The following GALNT14 variants were observed in gnomAD, a reference collection of about 807,000 sequenced individuals.
The protein encoded by GALNT14 is UDP-GalNAc:polypeptide N-acetylgalactosaminyltransferase 14.
A neutral mutation model predicts 77.5 loss-of-function variants in GALNT14; 60 were observed. That is an observed-to-expected ratio of 0.77 (90% CI 0.63 to 0.96). The LOEUF (loss-of-function observed/expected upper bound fraction) is 0.96, where lower values mean the gene tolerates loss of function less well. Ranked by LOEUF, GALNT14 falls within the 40% of genes least tolerant of loss-of-function variation. The pLI is 0.00. For synonymous variants in GALNT14, 280 were observed against 281.7 expected (o/e 0.99, Z 0.06); for missense variants, 710 against 731.0 (o/e 0.97, Z 0.33).
At position 30,955,934 on chromosome 2, in the gene GALNT14, G is replaced by A; in HGVS notation, c.510C>T (p.Cys170=). ...KQLIKLPKVK[C]LRNNERQGLV... ...TACCTTGCCGTTCATTATTGCGCAA[G>A]CATTTCACCTTGGGCAACTTGATGA... Residue 170 remains cysteine (C), a synonymous_variant, in exon 5 of 15, where the codon TGC becomes TGT. Transcript: ENST00000349752. 1 of 1,614,140 alleles carries A rather than the reference G, an allele frequency of 6.2e-7. No homozygotes were observed. The highest frequency in any genetic ancestry group is 8.5e-7 in the Non-Finnish European group (1 of 1,180,054).
Position 31,138,121 on chromosome 2 carries a change from G to A in GALNT14, c.-35C>T. 4 of 1,612,934 alleles carry A rather than the reference G, an allele frequency of 2.5e-6. No homozygotes were observed. Among genetic ancestry groups the A allele is most frequent in the Non-Finnish European group, 3.4e-6 (4 of 1,179,532 alleles). ...TGCCGCTTCCTCTCCGCGGCGCTACGTCCCGGGGGCACCCCCCGGCGGTCA... is the reference window on the plus strand; with the variant it reads ...TGCCGCTTCCTCTCCGCGGCGCTACATCCCGGGGGCACCCCCCGGCGGTCA... On this transcript the variant is annotated 5_prime_UTR_variant, in exon 1 of 15. It adds an upstream start codon to the 5' untranslated region. Transcript: ENST00000349752.
chr2:31,054,851 A>C (rs533055111), intron 1 of GALNT14, among the ~76,000 whole-genome samples: 3 of 152,340 alleles, frequency 2.0e-5, no homozygotes, highest in Admixed American at 2.0e-4. Flanking sequence ...GTGGAAAAAC[A>C]AAAGCATCAT....
At chr2:30,924,481 T>C (rs1400115105) in intron 12 of GALNT14, among the ~76,000 whole-genome samples, 3 of 152,126 alleles carry the variant, frequency 2.0e-5, no homozygotes, top group South Asian at 2.1e-4. Context: ...GAAGCTGGTG[T>C]CAGTGAGTCT....
chr2:31,039,383 T>C (rs528319117), intron 1 of GALNT14, among the ~76,000 whole-genome samples: 43 of 152,332 alleles, frequency 2.8e-4, no homozygotes, highest in East Asian at 1.2e-3. Context: ...AGAAAAACCA[T>C]TGAGGTAGAT....
the GALNT14 span, among the ~76,000 whole-genome samples, chr2:30,897,208 T>G: frequency 6.6e-6 from 1 of 152,128 alleles, no homozygotes; most frequent in African/African-American, 2.4e-5. Context: ...TTTCTGTGCT[T>G]GTGCTCCCGT....
At chr2:31,137,930 A>G (rs1679301567) in intron 1 of GALNT14, 28 bp downstream of exon 1, 2 of 1,594,086 alleles carry the variant, frequency 1.3e-6, no homozygotes, top group Non-Finnish European at 1.7e-6. Context: ...GCCACCGCTC[A>G]GCGCCAGCGC....
downstream of GALNT14, among the ~76,000 whole-genome samples, chr2:30,906,935 T>C (rs4952193): frequency 7.9e-4 from 120 of 152,296 alleles, no homozygotes; most frequent in African/African-American, 2.8e-3. Context: ...ACATGGAAAC[T>C]GAACAACCTG....
At chr2:30,975,885 G>A (rs900334361) in intron 2 of GALNT14, among the ~76,000 whole-genome samples, 1 of 152,094 alleles carries the variant, frequency 6.6e-6, no homozygotes, top group African/African-American at 2.4e-5. Context: ...AAAAGAAAGA[G>A]TATTTAAACA....
At chr2:31,058,005 G>T (rs1476261608) in intron 1 of GALNT14, among the ~76,000 whole-genome samples, 1 of 152,074 alleles carries the variant, frequency 6.6e-6, no homozygotes, top group Non-Finnish European at 1.5e-5. Context: ...AGGGCTCCAG[G>T]GTAGCTCCCT....
At chr2:30,938,384 A>ACACTCTCTCT (rs1174119035) in intron 9 of GALNT14, among the ~76,000 whole-genome samples, 3 of 141,692 alleles carry the variant, frequency 2.1e-5, no homozygotes, top group South Asian at 2.3e-4. Flanking sequence ...ACACACACAC[A>ACACTCTCTCT]CTCTCTCTCT....
intron 9 of GALNT14, among the ~76,000 whole-genome samples, chr2:30,932,552 T>C (rs1363862016): frequency 6.6e-6 from 1 of 152,180 alleles, no homozygotes; most frequent in Non-Finnish European, 1.5e-5. Flanking sequence ...GAAGAATTCA[T>C]TGTGGAAGTC....
At position 30,958,582 on chromosome 2, in the gene GALNT14, G is replaced by C. The variant is rs578010240; in HGVS notation, c.399-118C>G. 36 of 741,380 alleles carry C rather than the reference G, an allele frequency of 4.9e-5. No individual in the cohort carries two copies. In the African/African-American group the frequency reaches 5.4e-4, roughly 11 times the overall value. 45.9% of individuals were successfully genotyped at this position (741,380 alleles called of 1,614,324 possible). A position where few individuals can be genotyped will look rare whatever the true frequency, so the allele number is the denominator to read the frequency against. Reference sequence around the variant, plus strand: ...GGAATGAAAAATCAGAGCACCAACGGGCTTGTCCAGTCATATTGCTTATCT... The same window carrying C: ...GGAATGAAAAATCAGAGCACCAACGCGCTTGTCCAGTCATATTGCTTATCT... On this transcript the variant is annotated intron_variant, in intron 3 of 14. Transcript: ENST00000349752.
intron 1 of GALNT14, among the ~76,000 whole-genome samples, chr2:31,119,849 A>C (rs1296225233): frequency 6.6e-6 from 1 of 152,238 alleles, no homozygotes; most frequent in Non-Finnish European, 1.5e-5. Context: ...GCAGAATATT[A>C]TGCAGTCATT....
At chr2:30,942,745 G>C (rs1011480739) in intron 8 of GALNT14, among the ~76,000 whole-genome samples, 1 of 152,164 alleles carries the variant, frequency 6.6e-6, no homozygotes, top group Non-Finnish European at 1.5e-5. Context: ...GGGCTGAGGC[G>C]GCACTTGGTA....
At position 31,138,315 on chromosome 2, in the gene GALNT14, G is replaced by C; in HGVS notation, c.-229C>G. ...CCGAAACGTGGCAGGGAAGGACCGAGGGCAGCCAAGCTGGACGCCCGCTCC... is the reference window on the plus strand; with the variant it reads ...CCGAAACGTGGCAGGGAAGGACCGACGGCAGCCAAGCTGGACGCCCGCTCC... On this transcript the variant is annotated 5_prime_UTR_variant, in exon 1 of 15. Coordinates refer to ENST00000349752, the MANE Select transcript of GALNT14 (RefSeq NM_024572.4). The C allele has an allele frequency of 2.0e-6, 1 of 508,018 alleles. No individual in the cohort carries two copies. Among genetic ancestry groups the C allele is most frequent in the African/African-American group, 2.0e-5 (1 of 49,468 alleles). The allele number at this position is 508,018 out of a possible 1,614,324, so 31.5% of individuals were successfully genotyped here. A position where few individuals can be genotyped will look rare whatever the true frequency, so the allele number is the denominator to read the frequency against.
At chr2:31,098,195 A>C in intron 1 of GALNT14, among the ~76,000 whole-genome samples, 1 of 152,152 alleles carries the variant, frequency 6.6e-6, no homozygotes, top group East Asian at 1.9e-4. Context: ...TCTGCAAACA[A>C]ACACTCCAGT....
intron 6 of GALNT14, among the ~76,000 whole-genome samples, chr2:30,952,065 C>G (rs1667058464): frequency 2.0e-5 from 3 of 152,178 alleles, no homozygotes. Flanking sequence ...ACGCATCTGC[C>G]ATTCTCTCGG....
chr2:30,991,696 T>TTTTG (rs1669716158), intron 2 of GALNT14, among the ~76,000 whole-genome samples: 1 of 152,214 alleles, frequency 6.6e-6, no homozygotes, highest in African/African-American at 2.4e-5. Context: ...ATACTTCAGC[T>TTTTG]GCTTTTGGCA....
At chr2:31,051,570 A>G (rs149903676) in intron 1 of GALNT14, among the ~76,000 whole-genome samples, 8 of 152,320 alleles carry the variant, frequency 5.3e-5, no homozygotes, top group African/African-American at 1.2e-4. Flanking sequence ...TTTGGATTTC[A>G]GAGTTGCCAG....
Sources: gnomAD v4.1 joint callset for allele counts (sites outside exome capture counted in the v4.1 genomes callset) on GRCh38, gnomAD v4.1.1 for gene constraint, MANE v1.5 for transcripts, NCBI Gene and HGNC (gene_info 2026-07-23, HGNC 2026-07-21) for gene names.